Variants in PGGT1B observed in about 807,000 individuals in gnomAD.
PGGT1B encodes the protein geranylgeranyl transferase type-1 subunit beta.
Under a neutral mutation model 46.1 loss-of-function variants are expected in PGGT1B, and 30 were observed. The observed-to-expected ratio is 0.65, with a 90% CI of 0.49 to 0.88. The LOEUF is 0.88. Ranked by LOEUF, PGGT1B falls within the 40% of genes least tolerant of loss-of-function variation. PGGT1B has a pLI of 0.00. For missense variants in PGGT1B, 376 were observed against 455.9 expected (o/e 0.82, Z 1.60); for synonymous variants, 170 against 160.0 (o/e 1.06, Z -0.47).
At chr5:115,246,191 A>C (rs1178274114) in intron 2 of PGGT1B, among the ~76,000 whole-genome samples, 1 of 152,016 alleles carries the variant, frequency 6.6e-6, no homozygotes, top group Non-Finnish European at 1.5e-5. Flanking sequence ...CCCCATCTCT[A>C]CTAAAAGTAC....
At position 115,210,617 on chromosome 5, in the gene PGGT1B, A is replaced by T. The variant is rs923670100; in HGVS notation, c.*1785T>A. ...AGATTGGAATTTTTCTCTAACATTT[A>T]TGAATAAAATCACTGTTACTACCTT... On this transcript the variant is annotated 3_prime_UTR_variant, in exon 9 of 9. Coordinates refer to ENST00000419445, the MANE Select transcript of PGGT1B (RefSeq NM_005023.4). 3.9e-5 allele frequency: 6 copies of T among 152,146 alleles called. No homozygotes were observed. The highest frequency in any genetic ancestry group is 1.4e-4 in the African/African-American group (6 of 41,454). The allele number at this position is 152,146 out of a possible 1,614,324, so 9.4% of individuals were successfully genotyped here. A position where few individuals can be genotyped will look rare whatever the true frequency, so the allele number is the denominator to read the frequency against.
chr5:115,255,025 A>G (rs893649388), intron 1 of PGGT1B, among the ~76,000 whole-genome samples: 3 of 152,158 alleles, frequency 2.0e-5, no homozygotes, highest in African/African-American at 7.2e-5. Flanking sequence ...GACTGACCAC[A>G]TGACTCTGGG....
chr5:115,222,949 C>T (rs1425939730), intron 6 of PGGT1B, among the ~76,000 whole-genome samples: 1 of 152,092 alleles, frequency 6.6e-6, no homozygotes, highest in Admixed American at 6.6e-5. Flanking sequence ...TGGGGAACAT[C>T]ACACACCGGG....
At chr5:115,216,720 C>T (rs1359784722) in intron 8 of PGGT1B, 145 bp downstream of exon 8, 1 of 641,978 alleles carries the variant, frequency 1.6e-6, no homozygotes, top group Non-Finnish European at 2.8e-6. Context: ...TTATCCTAAG[C>T]TTACACAATA....
chr5:115,220,539 T>G (rs1016391392), intron 7 of PGGT1B, among the ~76,000 whole-genome samples: 1 of 151,906 alleles, frequency 6.6e-6, no homozygotes, highest in Non-Finnish European at 1.5e-5. Context: ...TTACACAACA[T>G]TGTAAATGGA....
chr5:115,213,179 A>C (rs770999923), intron 8 of PGGT1B, among the ~76,000 whole-genome samples: 19 of 152,200 alleles, frequency 1.2e-4, no homozygotes, highest in Admixed American at 2.0e-4. Context: ...CATTGTAAAA[A>C]TATCTGATCT....
chr5:115,237,422 T>C (rs1043614295), intron 4 of PGGT1B, among the ~76,000 whole-genome samples: 1 of 152,190 alleles, frequency 6.6e-6, no homozygotes, highest in Admixed American at 6.6e-5. Context: ...AACTCCTTTT[T>C]CTATCCTTTA....
chr5:115,213,822 CA>C (rs564270153), intron 8 of PGGT1B, among the ~76,000 whole-genome samples: 8 of 152,106 alleles, frequency 5.3e-5, no homozygotes, highest in African/African-American at 1.7e-4. Flanking sequence ...CAAACTTTGT[CA>C]AAAGAGTTAA....
chr5:115,208,617 T>C lies in PGGT1B; in HGVS notation c.*3785A>G, dbSNP rs551471697. On this transcript the variant is annotated 3_prime_UTR_variant, in exon 9 of 9. Transcript: ENST00000419445. Reference sequence around the variant, plus strand: ...TGTGCTTCCTCCTTTTTTTCTTAAATAGGTTAGCTGGTAGTTTATCTGACT... The same window carrying C: ...TGTGCTTCCTCCTTTTTTTCTTAAACAGGTTAGCTGGTAGTTTATCTGACT... 4.6e-5 allele frequency: 7 copies of C among 152,196 alleles called. No homozygotes were observed. 9.4% of individuals were successfully genotyped at this position (152,196 alleles called of 1,614,324 possible). A position where few individuals can be genotyped will look rare whatever the true frequency, so the allele number is the denominator to read the frequency against.
At chr5:115,236,724 A>G (rs1304938746) in intron 4 of PGGT1B, among the ~76,000 whole-genome samples, 1 of 152,144 alleles carries the variant, frequency 6.6e-6, no homozygotes, top group Non-Finnish European at 1.5e-5. Flanking sequence ...TCTCTAAATC[A>G]TCATTCTACT....
chr5:115,236,790 T>G (rs1419583503), intron 4 of PGGT1B, among the ~76,000 whole-genome samples: 1 of 152,180 alleles, frequency 6.6e-6, no homozygotes, highest in Non-Finnish European at 1.5e-5. Context: ...CCCTCCTGGA[T>G]GCTTACTCAG....
At chr5:115,247,376 A>T (rs1747895985) in intron 2 of PGGT1B, among the ~76,000 whole-genome samples, 1 of 152,158 alleles carries the variant, frequency 6.6e-6, no homozygotes, top group Non-Finnish European at 1.5e-5. Context: ...CCAAAATATC[A>T]CCATACTATT....
chr5:115,233,979 A>G (rs987511358), intron 5 of PGGT1B, among the ~76,000 whole-genome samples: 2 of 151,994 alleles, frequency 1.3e-5, no homozygotes, highest in African/African-American at 4.8e-5. Flanking sequence ...ATAGAAATAT[A>G]TATGCAGGAA....
rs1329464054 is a variant in PGGT1B at position 115,209,819 on chromosome 5, C to T, written c.*2583G>A. 2 of 152,024 alleles carry T rather than the reference C, an allele frequency of 1.3e-5. No individual in the cohort carries two copies. The allele number at this position is 152,024 out of a possible 1,614,324, so 9.4% of individuals were successfully genotyped here. On this transcript the variant is annotated 3_prime_UTR_variant, in exon 9 of 9. Coordinates refer to ENST00000419445, the MANE Select transcript of PGGT1B (RefSeq NM_005023.4). ...ATCCTAAGTGCTTTATCTGTATTAT[C>T]TCATTTAATCCTAAACCCTGTGTGT... is the stretch of plus-strand genomic sequence containing the variant.
intron 1 of PGGT1B, among the ~76,000 whole-genome samples, chr5:115,254,343 G>A (rs1161660802): frequency 4.0e-5 from 6 of 151,508 alleles, no homozygotes; most frequent in African/African-American, 1.5e-4. Flanking sequence ...TACCCCACTG[G>A]GACAGGACCC....
chr5:115,228,388 C>T (rs1756861821), intron 6 of PGGT1B, among the ~76,000 whole-genome samples: 1 of 152,070 alleles, frequency 6.6e-6, no homozygotes, highest in East Asian at 1.9e-4. Context: ...AGACAATAAA[C>T]AAATAGATAA....
rs1344400779 is a variant in PGGT1B, at chr5:115,209,965, T to A, written c.*2437A>T. 1 of 152,040 alleles carries A rather than the reference T, an allele frequency of 6.6e-6. No homozygotes were observed. The highest frequency in any genetic ancestry group is 1.5e-5 in the Non-Finnish European group (1 of 67,984). 9.4% of individuals were successfully genotyped at this position (152,040 alleles called of 1,614,324 possible). A position where few individuals can be genotyped will look rare whatever the true frequency, so the allele number is the denominator to read the frequency against. ...CCAGAGCACCTCCTCATTAACTGTC[T>A]CTCAAAAATGATCAGGTCCAACAGT... On this transcript the variant is annotated 3_prime_UTR_variant, in exon 9 of 9. Coordinates refer to ENST00000419445, the MANE Select transcript of PGGT1B (RefSeq NM_005023.4).
intron 7 of PGGT1B, among the ~76,000 whole-genome samples, chr5:115,221,568 T>C (rs927566919): frequency 1.3e-5 from 2 of 152,058 alleles, no homozygotes; most frequent in Non-Finnish European, 2.9e-5. Flanking sequence ...ATATGTTCTA[T>C]GTAAGGTTTT....
At chr5:115,234,735 AC>A (rs1416508552) in intron 5 of PGGT1B, among the ~76,000 whole-genome samples, 1 of 152,048 alleles carries the variant, frequency 6.6e-6, no homozygotes, top group African/African-American at 2.4e-5. Flanking sequence ...ACTGCTTGTC[AC>A]TATCAGAAAT....
Sources: allele counts gnomAD v4.1 joint callset (sites outside exome capture counted in the v4.1 genomes callset), GRCh38; gene constraint gnomAD v4.1.1; transcripts MANE v1.5; gene names NCBI Gene and HGNC (gene_info 2026-07-23, HGNC 2026-07-21).